The following C4orf50 variants were observed in gnomAD, a reference collection of about 807,000 sequenced individuals.
The protein encoded by C4orf50 is uncharacterized protein C4orf50.
A neutral mutation model predicts 77.2 loss-of-function variants in C4orf50; 80 were observed. That is an observed-to-expected ratio of 1.04 (90% CI 0.87 to 1.25). The LOEUF (loss-of-function observed/expected upper bound fraction) is 1.25. Among genes scored for constraint, C4orf50 ranks in the 50% most tolerant of loss-of-function variants. C4orf50 has a pLI of 0.00. For synonymous variants in C4orf50, 532 were observed against 465.3 expected (o/e 1.14, Z -1.84); for missense variants, 1,257 against 1,152.9 (o/e 1.09, Z -1.31).
chr4:5,897,616 G>A (rs1716176680), exon 8 of C4orf50: 1 of 152,126 alleles, frequency 6.6e-6, no homozygotes, highest in African/African-American at 2.4e-5. Context: ...CTTTAATTGT[G>A]AAAAAGCATA....
Position 6,004,309 on chromosome 4 carries a change from GATGATGTGATCGTA to G in C4orf50, c.963+3673_963+3686del, listed in dbSNP as rs1455467163. Among the ~76,000 whole-genome samples, 6 of 57,018 alleles carry G rather than the reference GATGATGTGATCGTA, an allele frequency of 1.1e-4. 1 individual carries two copies. The highest frequency in any genetic ancestry group is 3.9e-4 in the Admixed American group (2 of 5,076). The allele number at this position is 57,018 out of a possible 152,430, so 37.4% of individuals were successfully genotyped here. A position where few individuals can be genotyped will look rare whatever the true frequency, so the allele number is the denominator to read the frequency against. ...TGTTGGTGATGATGGTGATGGTGGT[GATGATGTGATCGTA>G]ATGGTGATGATGGTGATGGTGATGA... On this transcript the variant is annotated intron_variant, in intron 25 of 33. Coordinates refer to ENST00000531445, the Ensembl canonical transcript of C4orf50.
At chr4:5,980,045 T>TA in intron 29 of C4orf50, 129 bp downstream of exon 7, 1 of 652,398 alleles carries the variant, frequency 1.5e-6, no homozygotes, top group South Asian at 2.8e-5. Flanking sequence ...GCCTTATACT[T>TA]TAAAAATCCA....
chr4:5,959,691 C>T, intron 33 of C4orf50, 65 bp from the exon 12 acceptor site: 2 of 1,530,922 alleles, frequency 1.3e-6, no homozygotes, highest in Non-Finnish European at 1.8e-6. Flanking sequence ...CCTCCATTCA[C>T]ACATTTAATC....
downstream of C4orf50, chr4:5,957,028 C>G (rs768676219): frequency 2.6e-5 from 4 of 152,268 alleles, no homozygotes; most frequent in Non-Finnish European, 4.4e-5. Flanking sequence ...GTACTGTGCC[C>G]CAGGGAGCCA....
chr4:6,004,320 CGTAATGGTGATGAT>C (rs1722111553), intron 25 of C4orf50, among the ~76,000 whole-genome samples: 3 of 23,304 alleles, frequency 1.3e-4, no homozygotes, highest in African/African-American at 3.3e-4. Flanking sequence ...ATGATGTGAT[CGTAATGGTGATGAT>C]GGTGATGGTG....
intron 7 of C4orf50, among the ~76,000 whole-genome samples, chr4:5,910,907 C>CTTTTTTTTTTTT (rs33913636): frequency 9.4e-6 from 1 of 106,552 alleles, no homozygotes; most frequent in Admixed American, 1.2e-4. Context: ...CCCTTTCTTT[C>CTTTTTTTTTTTT]TTTTTTTTTT....
chr4:5,964,242 C>T (rs955239585), intron 33 of C4orf50, among the ~76,000 whole-genome samples: 5 of 152,086 alleles, frequency 3.3e-5, no homozygotes, highest in African/African-American at 9.7e-5. Flanking sequence ...CTCTTGGGGC[C>T]GACAGGGGAA....
Position 5,910,218 on chromosome 4 carries a change from T to C in C4orf50, c.*2475-12030A>G, listed in dbSNP as rs566404509. On this transcript the variant is annotated intron_variant, in intron 7 of 7. Transcript: ENST00000324058. ...CATAAAAAAACCCCAAGAGAAACTGTTCATGAGAAAATGTGAACAGAGCAG... is the reference window on the plus strand; with the variant it reads ...CATAAAAAAACCCCAAGAGAAACTGCTCATGAGAAAATGTGAACAGAGCAG... Among the ~76,000 whole-genome samples, 31 of 152,296 alleles carry C rather than the reference T, an allele frequency of 2.0e-4. No homozygotes were observed. In the South Asian group the frequency reaches 3.5e-3, roughly 17 times the overall value.
chr4:5,995,945 T>C (rs1326234027), intron 25 of C4orf50, among the ~76,000 whole-genome samples: 4 of 152,190 alleles, frequency 2.6e-5, no homozygotes, highest in Non-Finnish European at 4.4e-5. Context: ...AGCATCGGAC[T>C]CCTGGCTGGT....
In C4orf50 at chr4:5,968,030, G is replaced by A. The variant is rs118176142; in HGVS notation, c.4105-568C>T. On this transcript the variant is annotated intron_variant, in intron 31 of 33. Transcript: ENST00000531445. The stretch of plus-strand genomic sequence containing the variant: ...GGCAGGTTAGAGTTGTTTCCAGACT[G>A]GCAGCCTGGATCTCACTTCCTCTTG... Among the ~76,000 whole-genome samples the A allele has an allele frequency of 1.6e-4, 25 of 152,338 alleles. 1 individual carries two copies. The East Asian group carries it at 3.9e-3, about 24-fold the overall frequency.
At chr4:5,936,369 C>A (rs1718013931) in intron 7 of C4orf50, among the ~76,000 whole-genome samples, 1 of 151,984 alleles carries the variant, frequency 6.6e-6, no homozygotes, top group South Asian at 2.1e-4. Flanking sequence ...GGAGACCAGC[C>A]TGGTCAACAT....
At chr4:6,012,744 G>A (rs898348075) in intron 23 of C4orf50, among the ~76,000 whole-genome samples, 5 of 152,120 alleles carry the variant, frequency 3.3e-5, no homozygotes, top group African/African-American at 4.8e-5. Context: ...ACGCAGGGTC[G>A]GGGGAGAAAG....
intron 7 of C4orf50, among the ~76,000 whole-genome samples, chr4:5,941,443 A>G (rs929263907): frequency 6.6e-6 from 1 of 151,946 alleles, no homozygotes; most frequent in Non-Finnish European, 1.5e-5. Flanking sequence ...TTATTCTACC[A>G]TCTCATCCCC....
chr4:5,973,785 G>A (rs777968808), exon 31 of C4orf50: 5 of 1,613,772 alleles, frequency 3.1e-6, no homozygotes, highest in Non-Finnish European at 4.2e-6. Flanking sequence ...CCTGCAGCAG[G>A]TGGGTGATCA....
intron 25 of C4orf50, among the ~76,000 whole-genome samples, chr4:5,996,095 G>C (rs961324149): frequency 6.6e-6 from 1 of 152,222 alleles, no homozygotes; most frequent in African/African-American, 2.4e-5. Context: ...GGCTGTCATT[G>C]CTGCCTGGGC....
chr4:5,899,935 AG>A (rs1716274751), intron 7 of C4orf50: 1 of 152,346 alleles, frequency 6.6e-6, no homozygotes, highest in East Asian at 1.9e-4. Flanking sequence ...AATGACCTGG[AG>A]GGGGTAAGTG....
At chr4:5,986,095 G>A (rs572340257) in intron 28 of C4orf50, among the ~76,000 whole-genome samples, 36 of 152,294 alleles carry the variant, frequency 2.4e-4, no homozygotes, top group African/African-American at 7.9e-4. Context: ...CTTGGTTAAT[G>A]ACAAAACAAA....
chr4:5,983,794 C>A (rs1205523959), intron 28 of C4orf50, among the ~76,000 whole-genome samples: 2 of 152,186 alleles, frequency 1.3e-5, no homozygotes, highest in Non-Finnish European at 2.9e-5. Context: ...TTTAAGGATG[C>A]TAAGACTGCT....
chr4:5,927,151 C>T (rs908934785), intron 7 of C4orf50, among the ~76,000 whole-genome samples: 1 of 152,060 alleles, frequency 6.6e-6, no homozygotes, highest in Admixed American at 6.6e-5. Flanking sequence ...GTGCAGTCTC[C>T]CCTGGAGCCA....
Sources: gnomAD v4.1 joint callset for allele counts (sites outside exome capture counted in the v4.1 genomes callset) on GRCh38, gnomAD v4.1.1 for gene constraint, MANE v1.5 for transcripts, NCBI Gene and HGNC (gene_info 2026-07-23, HGNC 2026-07-21) for gene names.